Variants in MFAP3L observed in about 807,000 individuals in gnomAD.
MFAP3L encodes microfibril associated protein 3 like.
MFAP3L carries 5 observed loss-of-function variants against 20.0 expected under a neutral mutation model. The observed-to-expected ratio is 0.25, with a 90% CI of 0.13 to 0.53. The LOEUF (loss-of-function observed/expected upper bound fraction) is 0.53. Ranked by LOEUF, MFAP3L falls within the 20% of genes least tolerant of loss-of-function variation. The pLI, the probability that MFAP3L is intolerant of heterozygous loss-of-function variation, is 0.96. For missense variants in MFAP3L, 409 were observed against 527.5 expected (o/e 0.78, Z 2.20); for synonymous variants, 219 against 213.0 (o/e 1.03, Z -0.25).
rs1005034224 is a variant in MFAP3L, at chr4:170,010,904, T to C, written c.-133-4894A>G. Among the ~76,000 whole-genome samples the C allele has an allele frequency of 3.9e-5, 6 of 152,288 alleles. No homozygotes were observed. The East Asian group carries it at 7.7e-4, about 20-fold the overall frequency. On this transcript the variant is annotated intron_variant, in intron 1 of 2. Coordinates refer to ENST00000361618, the MANE Select transcript of MFAP3L (RefSeq NM_021647.8). Reference sequence around the variant, plus strand: ...TCTCTGAATATAAACTATGGTGATATGGTTTGGCTGTGTTCCCACCCAAAT... The same window carrying C: ...TCTCTGAATATAAACTATGGTGATACGGTTTGGCTGTGTTCCCACCCAAAT...
At chr4:170,023,108 A>G (rs577168207) in intron 1 of MFAP3L, among the ~76,000 whole-genome samples, 5 of 152,128 alleles carry the variant, frequency 3.3e-5, no homozygotes, top group Non-Finnish European at 7.3e-5. Flanking sequence ...CCTTAATGAA[A>G]TATCATGACT....
chr4:169,991,989 G>A lies in MFAP3L; in HGVS notation c.619C>T (p.Arg207Cys). Residue 207 changes from arginine to cysteine, a missense_variant, in exon 3 of 3, where the codon CGC (arginine) becomes TGC (cysteine). This residue lies in a region of MFAP3L where 127 missense variants were observed against 218.1 expected (regional missense o/e 0.58). Coordinates refer to ENST00000361618, the MANE Select transcript of MFAP3L (RefSeq NM_021647.8). The surrounding 1 kb of genome is among the most constrained non-coding windows in gnomAD (Gnocchi z 4.9). ...TTGGCGGAGGTGATGATGGGGATGC[G>A]CTTGGCGATCTCAAATGCCTTCTGC... ...KLQKAFEIAK[R>C]IPIITSAKTL... The A allele has an allele frequency of 6.2e-7, 1 of 1,614,152 alleles. No individual in the cohort carries two copies. Among genetic ancestry groups the A allele is most frequent in the Non-Finnish European group, 8.5e-7 (1 of 1,180,040 alleles).
intron 2 of MFAP3L, among the ~76,000 whole-genome samples, chr4:169,999,154 C>G (rs967342087): frequency 2.6e-5 from 4 of 152,232 alleles, no homozygotes; most frequent in African/African-American, 9.6e-5. Flanking sequence ...ATCCCAGAAG[C>G]TGCAAGTGCT....
intron 1 of MFAP3L, among the ~76,000 whole-genome samples, chr4:170,013,187 G>A (rs1246793781): frequency 2.0e-5 from 3 of 152,098 alleles, no homozygotes; most frequent in Non-Finnish European, 4.4e-5. Context: ...AAAGCTCTCA[G>A]AAATATACTG....
chr4:170,009,315 G>A (rs769152887), intron 1 of MFAP3L, among the ~76,000 whole-genome samples: 3 of 151,344 alleles, frequency 2.0e-5, no homozygotes, highest in African/African-American at 4.9e-5. Flanking sequence ...CCCAGGAGGC[G>A]GAGGTTACAG....
intron 1 of MFAP3L, among the ~76,000 whole-genome samples, chr4:170,009,280 G>C (rs1453679891): frequency 6.6e-6 from 1 of 151,868 alleles, no homozygotes; most frequent in Non-Finnish European, 1.5e-5. Flanking sequence ...CTACTCAGGA[G>C]GCTGGGGCAG....
chr4:170,012,424 T>A (rs1003022423), intron 1 of MFAP3L, among the ~76,000 whole-genome samples: 2 of 152,114 alleles, frequency 1.3e-5, no homozygotes, highest in African/African-American at 4.8e-5. Flanking sequence ...ATTAAGAAAT[T>A]CAACAAACCA....
Position 169,992,232 on chromosome 4 carries a change from C to T in MFAP3L, c.376G>A (p.Val126Met), listed in dbSNP as rs1289780275. Residue 126 changes from valine to methionine, a missense_variant, in exon 3 of 3, where the codon GTG becomes ATG. Val to Met is a conservative substitution (Grantham distance 21). This residue lies in a region of MFAP3L where 127 missense variants were observed against 218.1 expected (regional missense o/e 0.58). Transcript: ENST00000361618. This position sits in a 1 kb window ranked among gnomAD's most constrained non-coding sequence, Gnocchi z 4.3. ...ACGGTGCCGTAGATGTTAGAAGCCA[C>T]ACACGTGTATTTACCTCGGTCTGAG... ...SFSDRGKYTC[V>M]ASNIYGTVNN... 2 of 1,614,124 alleles carry T rather than the reference C, an allele frequency of 1.2e-6. No homozygotes were observed. Among genetic ancestry groups the T allele is most frequent in the Admixed American group, 1.7e-5 (1 of 60,016 alleles).
chr4:170,000,295 A>G (rs143622179), intron 2 of MFAP3L, among the ~76,000 whole-genome samples: 130 of 152,364 alleles, frequency 8.5e-4, no homozygotes, highest in Non-Finnish European at 1.4e-3. Flanking sequence ...TTTAAGGGAT[A>G]GGAATTTCTT....
rs757343508 is a variant in MFAP3L at position 169,991,693 on chromosome 4, G to A, written c.915C>T (p.Ala305=). Reference sequence around the variant, plus strand: ...GCTGAGGTTGCTCGTGCAGCGATGAGGCGTCCGAGTCAGCGGCAGGGGAGT... The same window carrying A: ...GCTGAGGTTGCTCGTGCAGCGATGAAGCGTCCGAGTCAGCGGCAGGGGAGT... The part of the protein sequence containing the change: ...RSDSPAADSD[A]SSLHEQPQQI... The change falls in exon 3 of 3, where the codon GCC becomes GCT. Residue 305 remains alanine, a synonymous_variant. Transcript: ENST00000361618. The surrounding 1 kb of genome is among the most constrained non-coding windows in gnomAD (Gnocchi z 4.9). The A allele has an allele frequency of 5.0e-6, 8 of 1,614,178 alleles. No individual in the cohort carries two copies. The highest frequency in any genetic ancestry group is 3.3e-5 in the South Asian group (3 of 91,082).
In MFAP3L at chr4:169,991,456, C is replaced by T. The variant is rs1334858505; in HGVS notation, c.1152G>A (p.Pro384=). 9.3e-6 allele frequency: 15 copies of T among 1,614,044 alleles called. No homozygotes were observed. The highest frequency in any genetic ancestry group is 1.1e-5 in the Non-Finnish European group (13 of 1,180,018). Residue 384 remains proline (P), a synonymous_variant, in exon 3 of 3, where the codon CCG becomes CCA. Coordinates refer to ENST00000361618, the MANE Select transcript of MFAP3L (RefSeq NM_021647.8). This position sits in a 1 kb window ranked among gnomAD's most constrained non-coding sequence, Gnocchi z 4.9. ...TPVEVPDKVL[P]PAYLEATEPA... ...GCTCTGTGGCTTCCAGGTAAGCTGG[C>T]GGCAGTACCTTATCTGGTACCTCAA...
intron 1 of MFAP3L, among the ~76,000 whole-genome samples, chr4:170,021,567 G>C (rs1740037811): frequency 6.6e-6 from 1 of 152,094 alleles, no homozygotes; most frequent in Non-Finnish European, 1.5e-5. Flanking sequence ...TGCTAACCCA[G>C]GCCTTCTTTT....
intron 2 of MFAP3L, among the ~76,000 whole-genome samples, chr4:169,995,633 C>T (rs551114608): frequency 6.6e-6 from 1 of 152,322 alleles, no homozygotes; most frequent in South Asian, 2.1e-4. Flanking sequence ...CCTGGCCCTG[C>T]ATCTCATTCT....
At chr4:170,001,271 A>G (rs1738595428) in intron 2 of MFAP3L, among the ~76,000 whole-genome samples, 1 of 152,212 alleles carries the variant, frequency 6.6e-6, no homozygotes, top group Non-Finnish European at 1.5e-5. Flanking sequence ...ATTCAAAGAA[A>G]CCTGCAAAAG....
chr4:170,016,583 T>C (rs1370782913), intron 1 of MFAP3L, among the ~76,000 whole-genome samples: 1 of 152,214 alleles, frequency 6.6e-6, no homozygotes, highest in African/African-American at 2.4e-5. Context: ...CCCATTAGGA[T>C]GGGAGCTCCT....
intron 2 of MFAP3L, among the ~76,000 whole-genome samples, chr4:169,995,311 G>A (rs1232422329): frequency 6.6e-6 from 1 of 152,150 alleles, no homozygotes. Flanking sequence ...GGTTGTGTAC[G>A]TCTGTATTCC....
intron 2 of MFAP3L, among the ~76,000 whole-genome samples, chr4:169,997,388 T>C (rs1244875891): frequency 6.6e-6 from 1 of 152,022 alleles, no homozygotes; most frequent in East Asian, 1.9e-4. Flanking sequence ...TAAAAGCAAA[T>C]GACGGGCCAG....
rs1174774798 is a variant in MFAP3L, at chr4:170,002,225, A to T, written c.298+3355T>A. On this transcript the variant is annotated intron_variant, in intron 2 of 2. Coordinates refer to ENST00000361618, the MANE Select transcript of MFAP3L (RefSeq NM_021647.8). Reference sequence around the variant, plus strand: ...CTCTTCAACATTTTTCACCTACAGGACCTAAAGGATGATGTGGTGGGGCAC... The same window carrying T: ...CTCTTCAACATTTTTCACCTACAGGTCCTAAAGGATGATGTGGTGGGGCAC... 4.1e-6 allele frequency: 4 copies of T among 985,166 alleles called. No homozygotes were observed. In the East Asian group the frequency reaches 4.5e-4, roughly 112 times the overall value. 61.0% of individuals were successfully genotyped at this position (985,166 alleles called of 1,614,324 possible).
intron 1 of MFAP3L, among the ~76,000 whole-genome samples, chr4:170,008,000 G>T (rs1739153231): frequency 6.6e-6 from 1 of 152,110 alleles, no homozygotes; most frequent in Admixed American, 6.5e-5. Flanking sequence ...TCAAACAGAG[G>T]CTCTCCACAT....
Sources: gnomAD v4.1 joint callset for allele counts (sites outside exome capture counted in the v4.1 genomes callset) on GRCh38, gnomAD v4.1.1 for gene constraint, gnomAD v4.1.1 regional missense constraint, Gnocchi (gnomAD v3.1) non-coding constraint, MANE v1.5 for transcripts, NCBI Gene and HGNC (gene_info 2026-07-23, HGNC 2026-07-21) for gene names.